CPSF6: variants seen among roughly 807,000 people sequenced by gnomAD.
CPSF6 encodes the protein cleavage and polyadenylation specificity factor subunit 6.
Under a neutral mutation model 56.7 loss-of-function variants are expected in CPSF6, and 10 were observed. That is an observed-to-expected ratio of 0.18 (90% confidence interval 0.11 to 0.30). The LOEUF is 0.30. Ranked by LOEUF, CPSF6 falls within the 10% of genes least tolerant of loss-of-function variation. The pLI, the probability that CPSF6 is intolerant of heterozygous loss-of-function variation, is 1.00. For missense variants in CPSF6, 419 were observed against 722.9 expected (o/e 0.58, Z 4.82); for synonymous variants, 248 against 244.8 (o/e 1.01, Z -0.12).
Position 69,259,969 on chromosome 12 carries a change from T to C in CPSF6, c.1316-75T>C, listed in dbSNP as rs1872676643. On this transcript the variant is annotated intron_variant, in intron 7 of 9. Transcript: ENST00000435070. ...GTACTTTTGTAAAATGCCTTATCACTCTTATCCCAAGTGGTTTGATGGTGT... is the reference window on the plus strand; with the variant it reads ...GTACTTTTGTAAAATGCCTTATCACCCTTATCCCAAGTGGTTTGATGGTGT... 3 of 1,506,318 alleles carry C rather than the reference T, an allele frequency of 2.0e-6. No homozygotes were observed. The African/African-American group carries it at 4.2e-5, about 21-fold the overall frequency. The allele number at this position is 1,506,318 out of a possible 1,614,324, so 93.3% of individuals were successfully genotyped here.
At position 69,271,901 on chromosome 12, in the gene CPSF6, C is replaced by T. The variant is rs1565653553; in HGVS notation, c.*2393C>T. ...TGCATAGACACCAAAAACAGTGTCT[C>T]AGAGACCTTTTCATTTTTTCCTTAG... is the stretch of plus-strand genomic sequence containing the variant. On this transcript the variant is annotated 3_prime_UTR_variant, in exon 10 of 10. Transcript: ENST00000435070. The T allele has an allele frequency of 6.6e-6, 1 of 151,666 alleles. No individual in the cohort carries two copies. Among genetic ancestry groups the T allele is most frequent in the Non-Finnish European group, 1.5e-5 (1 of 67,658 alleles). The allele number at this position is 151,666 out of a possible 1,614,324, so 9.4% of individuals were successfully genotyped here. A position where few individuals can be genotyped will look rare whatever the true frequency, so the allele number is the denominator to read the frequency against.
chr12:69,255,621 A>C (rs1350167379), intron 3 of CPSF6, among the ~76,000 whole-genome samples: 3 of 152,106 alleles, frequency 2.0e-5, no homozygotes, highest in African/African-American at 7.2e-5. Context: ...GGCTCATTGC[A>C]ACTTCTGCCT....
At chr12:69,256,876 G>A (rs1565647204) in intron 4 of CPSF6, 34 bp downstream of exon 4, 4 of 1,553,798 alleles carry the variant, frequency 2.6e-6, no homozygotes, top group Non-Finnish European at 3.5e-6. Flanking sequence ...ATTAAAATAT[G>A]TACATTTTAA....
At chr12:69,259,123 TTGA>T (rs1328829080) in intron 6 of CPSF6, 29 bp downstream of exon 6, 3 of 1,569,772 alleles carry the variant, frequency 1.9e-6, no homozygotes, top group South Asian at 1.1e-5. Flanking sequence ...GTGAAAGTAC[TTGA>T]TGATAAAAGA....
intron 2 of CPSF6, chr12:69,252,262 T>C (rs1490178787): frequency 1.6e-5 from 5 of 309,700 alleles, no homozygotes; most frequent in African/African-American, 2.5e-5. Flanking sequence ...ACAAACACTT[T>C]TGTAGAGCTG....
At chr12:69,245,160 A>G (rs1871830755) in intron 1 of CPSF6, among the ~76,000 whole-genome samples, 1 of 152,038 alleles carries the variant, frequency 6.6e-6, no homozygotes. Flanking sequence ...TAAACCAGTA[A>G]CACAGTCGCT....
At chr12:69,247,256 A>G (rs1015982210) in intron 1 of CPSF6, among the ~76,000 whole-genome samples, 5 of 152,170 alleles carry the variant, frequency 3.3e-5, no homozygotes, top group African/African-American at 9.7e-5. Context: ...TTGGCAACAG[A>G]TATTTGTATA....
intron 1 of CPSF6, among the ~76,000 whole-genome samples, chr12:69,242,631 G>T (rs1241648644): frequency 1.3e-5 from 2 of 152,158 alleles, no homozygotes; most frequent in African/African-American, 4.8e-5. Flanking sequence ...AGAACAGCTG[G>T]AAGGGGAATT....
rs3051105 is a variant in CPSF6 at position 69,272,869 on chromosome 12, AGTGT to A, written c.*3386_*3389del. 196 of 154,098 alleles carry A rather than the reference AGTGT, an allele frequency of 1.3e-3. 1 individual carries two copies. Among genetic ancestry groups the A allele is most frequent in the Non-Finnish European group, 1.9e-3 (133 of 70,186 alleles). The allele number at this position is 154,098 out of a possible 1,614,324, so 9.5% of individuals were successfully genotyped here. A position where few individuals can be genotyped will look rare whatever the true frequency, so the allele number is the denominator to read the frequency against. On this transcript the variant is annotated 3_prime_UTR_variant, in exon 10 of 10. Coordinates refer to ENST00000435070, the MANE Select transcript of CPSF6 (RefSeq NM_007007.3). Reference sequence around the variant, plus strand: ...AAGCATTCTATTTTTCTGTTCTTACAGTGTGTGTGTGTGTGTGTGTGTGTGTGTA... The same window carrying A: ...AAGCATTCTATTTTTCTGTTCTTACAGTGTGTGTGTGTGTGTGTGTGTGTA...
In CPSF6 at chr12:69,239,637, C is replaced by G. The variant is rs749897733; in HGVS notation, c.-10C>G. The G allele has an allele frequency of 8.3e-6, 13 of 1,571,864 alleles. No homozygotes were observed. In the South Asian group the frequency reaches 1.5e-4, roughly 18 times the overall value. On this transcript the variant is annotated 5_prime_UTR_variant, in exon 1 of 10. Transcript: ENST00000435070. ...GCGGCGGCGGCGGCGGCGGCCGAGG[C>G]TGAAGGAAGATGGCGGACGGCGTGG...
chr12:69,247,932 G>T (rs904805534), intron 1 of CPSF6, among the ~76,000 whole-genome samples: 2 of 152,220 alleles, frequency 1.3e-5, no homozygotes, highest in African/African-American at 2.4e-5. Flanking sequence ...TGTACAGGCT[G>T]TGGCCTTGGA....
chr12:69,273,860 G>A lies in CPSF6; in HGVS notation c.*4352G>A, dbSNP rs1220969932. The A allele has an allele frequency of 6.6e-6, 1 of 151,764 alleles. No homozygotes were observed. Among genetic ancestry groups the A allele is most frequent in the African/African-American group, 2.4e-5 (1 of 41,384 alleles). 9.4% of individuals were successfully genotyped at this position (151,764 alleles called of 1,614,324 possible). A position where few individuals can be genotyped will look rare whatever the true frequency, so the allele number is the denominator to read the frequency against. The stretch of plus-strand genomic sequence containing the variant: ...TTCCTCTGCATCCCATGGTATATTA[G>A]CAAAGTAGTTTACAGCCCTGTACAG... On this transcript the variant is annotated 3_prime_UTR_variant, in exon 10 of 10. Transcript: ENST00000435070.
rs1872595013 is a variant in CPSF6 at position 69,258,353 on chromosome 12, A to G, written c.695-237A>G. Among the ~76,000 whole-genome samples, 1 of 151,950 alleles carries G rather than the reference A, an allele frequency of 6.6e-6. No homozygotes were observed. Among genetic ancestry groups the G allele is most frequent in the African/African-American group, 2.4e-5 (1 of 41,294 alleles). ...GGAAAATATCTCTAGGCATTGTAAT[A>G]TTTTTTTATTAAAGTTTTCGTTTCA... is the stretch of plus-strand genomic sequence containing the variant. On this transcript the variant is annotated intron_variant, in intron 5 of 9. Coordinates refer to ENST00000435070, the MANE Select transcript of CPSF6 (RefSeq NM_007007.3). This position sits in a 1 kb window ranked among gnomAD's most constrained non-coding sequence, Gnocchi z 4.2.
chr12:69,258,041 T>C lies in CPSF6; in HGVS notation c.694+136T>C. On this transcript the variant is annotated intron_variant, in intron 5 of 9. Coordinates refer to ENST00000435070, the MANE Select transcript of CPSF6 (RefSeq NM_007007.3). The surrounding 1 kb of genome is among the most constrained non-coding windows in gnomAD (Gnocchi z 4.2). ...TGCTATTTTTGGAATCCAGGAAATT[T>C]GATCAAGCATCTTGTTAAAGGAACT... The C allele has an allele frequency of 1.9e-6, 3 of 1,540,842 alleles. No individual in the cohort carries two copies. The South Asian group carries it at 3.6e-5, about 18-fold the overall frequency.
intron 7 of CPSF6, 114 bp downstream of exon 7, chr12:69,259,657 C>A (rs1872662227): frequency 4.5e-6 from 4 of 883,524 alleles, no homozygotes; most frequent in Non-Finnish European, 5.0e-6. Flanking sequence ...TTTTATATTC[C>A]CAAATCATTA....
At chr12:69,261,346 C>T (rs1295164363) in intron 8 of CPSF6, among the ~76,000 whole-genome samples, 1 of 152,084 alleles carries the variant, frequency 6.6e-6, no homozygotes, top group Non-Finnish European at 1.5e-5. Flanking sequence ...GCAGGAGGAT[C>T]ACGTGAGCCC....
intron 1 of CPSF6, among the ~76,000 whole-genome samples, chr12:69,249,296 A>T (rs1045078717): frequency 5.9e-5 from 9 of 151,750 alleles, no homozygotes; most frequent in Non-Finnish European, 1.0e-4. Context: ...TAAAAATTAA[A>T]ATTAAAAAAA....
At chr12:69,242,081 C>T (rs930159488) in intron 1 of CPSF6, among the ~76,000 whole-genome samples, 2 of 152,180 alleles carry the variant, frequency 1.3e-5, no homozygotes, top group African/African-American at 2.4e-5. Context: ...TCTTTACTAG[C>T]TGGCGACCTT....
At position 69,272,751 on chromosome 12, in the gene CPSF6, G is replaced by A. The variant is rs1873304014; in HGVS notation, c.*3243G>A. 1 of 152,602 alleles carries A rather than the reference G, an allele frequency of 6.6e-6. No homozygotes were observed. The highest frequency in any genetic ancestry group is 1.5e-5 in the Non-Finnish European group (1 of 68,356). The allele number at this position is 152,602 out of a possible 1,614,324, so 9.5% of individuals were successfully genotyped here. A position where few individuals can be genotyped will look rare whatever the true frequency, so the allele number is the denominator to read the frequency against. ...TTGCATCCCGTAGCCCTCTGTAAAT[G>A]TTTCCCCTAGTTGTATGTACGTAAA... On this transcript the variant is annotated 3_prime_UTR_variant, in exon 10 of 10. Coordinates refer to ENST00000435070, the MANE Select transcript of CPSF6 (RefSeq NM_007007.3).
Sources: allele counts gnomAD v4.1 joint callset (sites outside exome capture counted in the v4.1 genomes callset), GRCh38; gene constraint gnomAD v4.1.1; non-coding constraint Gnocchi (gnomAD v3.1); transcripts MANE v1.5; gene names NCBI Gene and HGNC (gene_info 2026-07-23, HGNC 2026-07-21).